SOCS1: variants seen among roughly 807,000 people sequenced by gnomAD.
SOCS1 encodes suppressor of cytokine signaling 1, also known as JAK binding protein.
SOCS1 carries 3 observed loss-of-function variants against 9.7 expected under a neutral mutation model. The ratio of observed to expected loss-of-function variants is 0.31; its 90% CI spans 0.14 to 0.80. The LOEUF is 0.80. SOCS1 is among the 30% of genes least tolerant of loss of function. SOCS1 has a pLI of 0.61. For missense variants in SOCS1, 368 were observed against 324.7 expected (o/e 1.13, Z -1.02); for synonymous variants, 194 against 150.2 (o/e 1.29, Z -2.13).
Position 11,254,993 on chromosome 16 carries a change from CA to C in SOCS1, c.485del (p.Leu162ArgfsTer43). Reference sequence around the variant, plus strand: ...CGCGGCGCTGGCGCAGCGGGGCCCCCAGCATGCGGCGCGGCGCCGCCACGTA... The same window carrying C: ...CGCGGCGCTGGCGCAGCGGGGCCCCCGCATGCGGCGCGGCGCCGCCACGTA... Reference protein sequence around the residue: ...EHYVAAPRRMLGAPLRQRRVR... With the variant: ...EHYVAAPRRMXGAPLRQRRVR... On this transcript the variant is annotated frameshift_variant, in exon 2 of 2. Coordinates refer to ENST00000332029, the MANE Select transcript of SOCS1 (RefSeq NM_003745.2). LOFTEE classifies it high-confidence loss of function. 6.4e-7 allele frequency: 1 copy of C among 1,563,116 alleles called. No homozygotes were observed. The highest frequency in any genetic ancestry group is 8.6e-7 in the Non-Finnish European group (1 of 1,158,674).
chr16:11,255,204 C>T lies in SOCS1; in HGVS notation c.275G>A (p.Arg92Gln). The T allele has an allele frequency of 3.2e-6, 5 of 1,580,462 alleles. No homozygotes were observed. The highest frequency in any genetic ancestry group is 4.3e-6 in the Non-Finnish European group (5 of 1,169,502). ...GGTGCCCACGGGCTCGGCGCGCAGC[C>T]GCTCGTGCGCCCCGTGCACGCTCAG... is the stretch of plus-strand genomic sequence containing the variant. ...GPLSVHGAHE[R>Q]LRAEPVGTFL... is the part of the protein sequence containing the mutation. Residue 92 changes from arginine to glutamine, a missense_variant, in exon 2 of 2, where the codon CGG becomes CAG. Arg to Gln is a conservative substitution (Grantham distance 43). Coordinates refer to ENST00000332029, the MANE Select transcript of SOCS1 (RefSeq NM_003745.2).
rs1316075297 is a variant in SOCS1 at position 11,254,601 on chromosome 16, C to T, written c.*242G>A. On this transcript the variant is annotated 3_prime_UTR_variant, in exon 2 of 2. Coordinates refer to ENST00000332029, the MANE Select transcript of SOCS1 (RefSeq NM_003745.2). ...CGAGTTCAGGTCCTGGCTCCAGATA[C>T]AGTTAAGCTGCTACAACAACCAGGG... The T allele has an allele frequency of 4.7e-6, 2 of 426,932 alleles. No individual in the cohort carries two copies. Among genetic ancestry groups the T allele is most frequent in the Non-Finnish European group, 8.0e-6 (2 of 251,150 alleles). 26.4% of individuals were successfully genotyped at this position (426,932 alleles called of 1,614,324 possible). A position where few individuals can be genotyped will look rare whatever the true frequency, so the allele number is the denominator to read the frequency against.
Position 11,255,449 on chromosome 16 carries a change from G to A in SOCS1, c.30C>T (p.Asp10=). 3.1e-6 allele frequency: 4 copies of A among 1,300,262 alleles called. No individual in the cohort carries two copies. The highest frequency in any genetic ancestry group is 3.9e-6 in the Non-Finnish European group (4 of 1,027,378). The allele number at this position is 1,300,262 out of a possible 1,614,324, so 80.5% of individuals were successfully genotyped here. A position where few individuals can be genotyped will look rare whatever the true frequency, so the allele number is the denominator to read the frequency against. Residue 10 remains aspartate (D), a synonymous_variant, in exon 2 of 2, where the codon GAC becomes GAT. Transcript: ENST00000332029. MVAHNQVAA[D]NAVSTAAEPR... ...GCTCTGCTGCTGTGGAGACTGCATT[G>A]TCGGCTGCCACCTGGTTGTGTGCTA...
Position 11,255,154 on chromosome 16 carries a change from G to A in SOCS1, c.325C>T (p.Arg109Trp), listed in dbSNP as rs2141124848. ...GTFLVRDSRQRNCFFALSVKM... is the reference protein window; with the variant it reads ...GTFLVRDSRQWNCFFALSVKM... The stretch of plus-strand genomic sequence containing the variant: ...ACGCTAAGGGCGAAAAAGCAGTTCC[G>A]CTGGCGGCTGTCGCGCACCAGGAAG... Residue 109 changes from arginine to tryptophan, a missense_variant, in exon 2 of 2, where the codon CGG becomes TGG. By Grantham distance (101) the Arg-to-Trp change is moderately radical. Transcript: ENST00000332029. 6.2e-7 allele frequency: 1 copy of A among 1,601,786 alleles called. No homozygotes were observed. Among genetic ancestry groups the A allele is most frequent in the Non-Finnish European group, 8.5e-7 (1 of 1,177,424 alleles).
chr16:11,255,033 T>A lies in SOCS1; in HGVS notation c.446A>T (p.Glu149Val), dbSNP rs2141124623. The stretch of plus-strand genomic sequence containing the variant: ...CGCCGCCACGTAGTGCTCCAGCAGC[T>A]CGAAGAGGCAGTCGAAGCTCTCGCG... ...GSRESFDCLF[E>V]LLEHYVAAPR... Residue 149 changes from glutamate (E) to valine (V), a missense_variant, in exon 2 of 2, where the codon GAG becomes GTG. By Grantham distance (121) the Glu-to-Val change is moderately radical. Coordinates refer to ENST00000332029, the MANE Select transcript of SOCS1 (RefSeq NM_003745.2). 6.2e-7 allele frequency: 1 copy of A among 1,605,396 alleles called. No homozygotes were observed. The highest frequency in any genetic ancestry group is 8.5e-7 in the Non-Finnish European group (1 of 1,177,010).
rs1028027657 is a variant in SOCS1 at position 11,255,424 on chromosome 16, G to A, written c.55C>T (p.Pro19Ser). The A allele has an allele frequency of 7.5e-6, 10 of 1,329,314 alleles. No homozygotes were observed. The highest frequency in any genetic ancestry group is 8.2e-5 in the Admixed American group (2 of 24,364). 82.3% of individuals were successfully genotyped at this position (1,329,314 alleles called of 1,614,324 possible). ...ADNAVSTAAEPRRRPEPSSSS... is the reference protein window; with the variant it reads ...ADNAVSTAAESRRRPEPSSSS... ...GAGGAAGGTTCTGGCCGCCGTCGGG[G>A]CTCTGCTGCTGTGGAGACTGCATTG... The change falls in exon 2 of 2, where the codon CCC (proline) becomes TCC (serine). Residue 19 changes from proline to serine, a missense_variant. By Grantham distance (74) the Pro-to-Ser change is moderately conservative. Coordinates refer to ENST00000332029, the MANE Select transcript of SOCS1 (RefSeq NM_003745.2).
In SOCS1 at chr16:11,255,094, G is replaced by C. The variant is rs1364931767; in HGVS notation, c.385C>G (p.His129Asp). Residue 129 changes from histidine (H) to aspartate (D), a missense_variant, in exon 2 of 2, where the codon CAC becomes GAC. His to Asp is a moderately conservative substitution (Grantham distance 81, BLOSUM62 -1). Transcript: ENST00000332029. The part of the protein sequence containing the change: ...MASGPTSIRV[H>D]FQAGRFHLDG... Reference sequence around the variant, plus strand: ...AGGTGAAAGCGGCCGGCCTGAAAGTGCACGCGGATGCTCGTGGGTCCCGAG... The same window carrying C: ...AGGTGAAAGCGGCCGGCCTGAAAGTCCACGCGGATGCTCGTGGGTCCCGAG... The C allele has an allele frequency of 4.3e-6, 7 of 1,610,294 alleles. No homozygotes were observed. In the East Asian group the frequency reaches 9.0e-5, roughly 21 times the overall value.
rs914211995 is a variant in SOCS1 at position 11,254,696 on chromosome 16, C to T, written c.*147G>A. ...TGAGAAGGGGTCTGCGGCCTCGTCTCCAGCCGAGGGCGGGAGGCGCCTCGC... is the reference window on the plus strand; with the variant it reads ...TGAGAAGGGGTCTGCGGCCTCGTCTTCAGCCGAGGGCGGGAGGCGCCTCGC... On this transcript the variant is annotated 3_prime_UTR_variant, in exon 2 of 2. Transcript: ENST00000332029. 3.4e-6 allele frequency: 4 copies of T among 1,189,688 alleles called. No individual in the cohort carries two copies. Among genetic ancestry groups the T allele is most frequent in the African/African-American group, 3.2e-5 (2 of 62,360 alleles). 73.7% of individuals were successfully genotyped at this position (1,189,688 alleles called of 1,614,324 possible).
At position 11,254,992 on chromosome 16, in the gene SOCS1, C is replaced by G. The variant is rs1471757663; in HGVS notation, c.487G>C (p.Gly163Arg). The change falls in exon 2 of 2, where the codon GGG (glycine) becomes CGG (arginine). Residue 163 changes from glycine (G) to arginine (R), a missense_variant. Coordinates refer to ENST00000332029, the MANE Select transcript of SOCS1 (RefSeq NM_003745.2). ...HYVAAPRRMLGAPLRQRRVRP... is the reference protein window; with the variant it reads ...HYVAAPRRMLRAPLRQRRVRP... ...ACGCGGCGCTGGCGCAGCGGGGCCC[C>G]CAGCATGCGGCGCGGCGCCGCCACG... 6.4e-7 allele frequency: 1 copy of G among 1,562,372 alleles called. No individual in the cohort carries two copies. Among genetic ancestry groups the G allele is most frequent in the African/African-American group, 1.4e-5 (1 of 70,436 alleles).
Position 11,254,614 on chromosome 16 carries a change from A to T in SOCS1, c.*229T>A, listed in dbSNP as rs2069570668. 1 of 468,350 alleles carries T rather than the reference A, an allele frequency of 2.1e-6. No individual in the cohort carries two copies. The highest frequency in any genetic ancestry group is 3.5e-6 in the Non-Finnish European group (1 of 285,944). The allele number at this position is 468,350 out of a possible 1,614,324, so 29.0% of individuals were successfully genotyped here. On this transcript the variant is annotated 3_prime_UTR_variant, in exon 2 of 2. Coordinates refer to ENST00000332029, the MANE Select transcript of SOCS1 (RefSeq NM_003745.2). ...TGGCTCCAGATACAGTTAAGCTGCT[A>T]CAACAACCAGGGGGACCCAGAGGGA...
chr16:11,255,597 T>C (rs1425030023), intron 1 of SOCS1, 69 bp from the exon 2 acceptor site: 5 of 555,068 alleles, frequency 9.0e-6, no homozygotes, highest in Non-Finnish European at 1.3e-5. Flanking sequence ...GCCGGACAAC[T>C]CCGGAGGGCG....
rs1597691601 is a variant in SOCS1, at chr16:11,255,393, G to A, written c.86C>T (p.Ser29Phe). Residue 29 changes from serine to phenylalanine, a missense_variant, in exon 2 of 2, where the codon TCC becomes TTC. Coordinates refer to ENST00000332029, the MANE Select transcript of SOCS1 (RefSeq NM_003745.2). ...CGCGGGGGCCGCGGGCGAGGAGGAG[G>A]AAGAGGAGGAAGGTTCTGGCCGCCG... Reference protein sequence around the residue: ...PRRRPEPSSSSSSSPAAPARP... With the variant: ...PRRRPEPSSSFSSSPAAPARP... 5.2e-6 allele frequency: 7 copies of A among 1,337,920 alleles called. No individual in the cohort carries two copies. Among genetic ancestry groups the A allele is most frequent in the South Asian group, 4.5e-5 (2 of 44,712 alleles). The allele number at this position is 1,337,920 out of a possible 1,614,324, so 82.9% of individuals were successfully genotyped here.
Position 11,254,768 on chromosome 16 carries a change from A to T in SOCS1, c.*75T>A, listed in dbSNP as rs1004847464. On this transcript the variant is annotated 3_prime_UTR_variant, in exon 2 of 2. Transcript: ENST00000332029. ...CCAACCCAGGCCGGGGAGGGTACCCACATGGTTCCAGGCAAGTAATAACAA... is the reference window on the plus strand; with the variant it reads ...CCAACCCAGGCCGGGGAGGGTACCCTCATGGTTCCAGGCAAGTAATAACAA... The T allele has an allele frequency of 7.1e-6, 10 of 1,401,412 alleles. No individual in the cohort carries two copies. In the African/African-American group the frequency reaches 1.5e-4, roughly 21 times the overall value. The allele number at this position is 1,401,412 out of a possible 1,614,324, so 86.8% of individuals were successfully genotyped here. A position where few individuals can be genotyped will look rare whatever the true frequency, so the allele number is the denominator to read the frequency against.
At chr16:11,255,722 T>G in intron 1 of SOCS1, 194 bp from the exon 2 acceptor site, 9 of 300,354 alleles carry the variant, frequency 3.0e-5, no homozygotes, top group Admixed American at 1.0e-4. Context: ...GCGGAGCTCT[T>G]CCCGGCGGGT....
At position 11,255,259 on chromosome 16, in the gene SOCS1, G is replaced by A. The variant is rs781186251; in HGVS notation, c.220C>T (p.Leu74=). ...YRRITRASAL[L]DACGFYWGPL... is the part of the protein sequence containing the mutation. ...CCCCAGTAGAATCCGCAGGCGTCCA[G>A]GAGCGCGCTGGCGCGCGTGATGCGC... The change falls in exon 2 of 2, where the codon CTG becomes TTG. Residue 74 remains leucine (L), a synonymous_variant. Transcript: ENST00000332029. 21 of 1,548,876 alleles carry A rather than the reference G, an allele frequency of 1.4e-5. No homozygotes were observed. Among genetic ancestry groups the A allele is most frequent in the Middle Eastern group, 3.4e-4 (2 of 5,814 alleles).
At chr16:11,255,949 G>C (rs2141126336) in intron 1 of SOCS1, 130 bp downstream of exon 1, 1 of 152,554 alleles carries the variant, frequency 6.6e-6, no homozygotes, top group East Asian at 1.9e-4. Flanking sequence ...CGGCCTGGGT[G>C]GGGCCGGCGA....
In SOCS1 at chr16:11,255,485, G is replaced by C; in HGVS notation, c.-7C>G. The C allele has an allele frequency of 7.9e-7, 1 of 1,271,242 alleles. No individual in the cohort carries two copies. Among genetic ancestry groups the C allele is most frequent in the Admixed American group, 4.2e-5 (1 of 23,888 alleles). The allele number at this position is 1,271,242 out of a possible 1,614,324, so 78.7% of individuals were successfully genotyped here. On this transcript the variant is annotated 5_prime_UTR_variant, in exon 2 of 2. Coordinates refer to ENST00000332029, the MANE Select transcript of SOCS1 (RefSeq NM_003745.2). ...CCTGGTTGTGTGCTACCATCCTACA[G>C]AAGGGGCCAGCCGGAGGGGTGGGCC...
At position 11,254,655 on chromosome 16, in the gene SOCS1, G is replaced by C; in HGVS notation, c.*188C>G. The C allele has an allele frequency of 1.4e-6, 1 of 714,428 alleles. No individual in the cohort carries two copies. The highest frequency in any genetic ancestry group is 4.9e-5 in the South Asian group (1 of 20,412). The allele number at this position is 714,428 out of a possible 1,614,324, so 44.3% of individuals were successfully genotyped here. ...CCCAGAGGGAGCACCAGGAGGGGGA[G>C]GACCCCCTCAAGAGGTGAGAAGGGG... On this transcript the variant is annotated 3_prime_UTR_variant, in exon 2 of 2. Coordinates refer to ENST00000332029, the MANE Select transcript of SOCS1 (RefSeq NM_003745.2).
Position 11,255,138 on chromosome 16 carries a change from G to A in SOCS1, c.341C>T (p.Ala114Val). ...RDSRQRNCFFALSVKMASGPT... is the reference protein window; with the variant it reads ...RDSRQRNCFFVLSVKMASGPT... The stretch of plus-strand genomic sequence containing the variant: ...TCCCGAGGCCATCTTCACGCTAAGG[G>A]CGAAAAAGCAGTTCCGCTGGCGGCT... The change falls in exon 2 of 2, where the codon GCC (alanine) becomes GTC (valine). Residue 114 changes from alanine to valine, a missense_variant. Coordinates refer to ENST00000332029, the MANE Select transcript of SOCS1 (RefSeq NM_003745.2). 1.9e-6 allele frequency: 3 copies of A among 1,607,452 alleles called. No homozygotes were observed. The highest frequency in any genetic ancestry group is 2.5e-6 in the Non-Finnish European group (3 of 1,178,704).
Sources: allele counts gnomAD v4.1 joint callset, GRCh38; gene constraint gnomAD v4.1.1; transcripts MANE v1.5; gene names NCBI Gene and HGNC (gene_info 2026-07-23, HGNC 2026-07-21).